NR2F1-AS1: variants seen among roughly 807,000 people sequenced by gnomAD.
The protein encoded by NR2F1-AS1 is NR2F1 antisense RNA 1.
chr5:93,434,413 T>C (rs1377787699), intron 4 of NR2F1-AS1, among the ~76,000 whole-genome samples: 1 of 152,172 alleles, frequency 6.6e-6, no homozygotes, highest in Admixed American at 6.6e-5. Context: ...TTGACCCACA[T>C]TGTTAACATT....
chr5:93,509,385 T>G (rs939558590), intron 4 of NR2F1-AS1, among the ~76,000 whole-genome samples: 11 of 152,120 alleles, frequency 7.2e-5, no homozygotes, highest in Admixed American at 1.3e-4. Flanking sequence ...ACTTATAATG[T>G]GGCTAGTACT....
At chr5:93,492,172 T>G (rs2149880894) in intron 4 of NR2F1-AS1, among the ~76,000 whole-genome samples, 1 of 152,296 alleles carries the variant, frequency 6.6e-6, no homozygotes, top group South Asian at 2.1e-4. Flanking sequence ...TTGGAACTAT[T>G]TACACCAACA....
intron 4 of NR2F1-AS1, among the ~76,000 whole-genome samples, chr5:93,445,339 A>C (rs185770749): frequency 1.3e-5 from 2 of 152,194 alleles, no homozygotes; most frequent in Admixed American, 1.3e-4. Flanking sequence ...AATCAAATAG[A>C]CACAATAAAA....
chr5:93,512,967 A>G (rs1022168421), intron 4 of NR2F1-AS1, among the ~76,000 whole-genome samples: 3 of 152,202 alleles, frequency 2.0e-5, no homozygotes, highest in Non-Finnish European at 4.4e-5. Context: ...ACATGACTGT[A>G]TATCCTGTTG....
At chr5:93,548,294 A>T (rs1327434962) in intron 4 of NR2F1-AS1, among the ~76,000 whole-genome samples, 1 of 152,194 alleles carries the variant, frequency 6.6e-6, no homozygotes, top group Non-Finnish European at 1.5e-5. Flanking sequence ...GTCAAAAAAA[A>T]ATATTTTCTG....
intron 4 of NR2F1-AS1, among the ~76,000 whole-genome samples, chr5:93,461,723 T>C (rs1036849313): frequency 1.3e-5 from 2 of 152,164 alleles, no homozygotes; most frequent in African/African-American, 4.8e-5. Context: ...CAAATAAATA[T>C]TGGATTTTTA....
chr5:93,487,615 C>T (rs1050065293), intron 4 of NR2F1-AS1, among the ~76,000 whole-genome samples: 8 of 152,172 alleles, frequency 5.3e-5, no homozygotes, highest in African/African-American at 7.2e-5. Context: ...AATGGAAAAA[C>T]ATTCCATGCT....
intron 2 of NR2F1-AS1, among the ~76,000 whole-genome samples, chr5:93,557,419 C>T (rs1397529551): frequency 2.6e-5 from 4 of 152,162 alleles, no homozygotes; most frequent in South Asian, 2.1e-4. Flanking sequence ...TTCCAGATCA[C>T]AGCAATAAAG....
intron 4 of NR2F1-AS1, among the ~76,000 whole-genome samples, chr5:93,425,248 T>C (rs187317852): frequency 3.3e-5 from 5 of 152,298 alleles, no homozygotes; most frequent in African/African-American, 1.2e-4. Context: ...TGGTAGTAGA[T>C]GATCTCACTC....
At chr5:93,520,835 G>A (rs1207962826) in intron 4 of NR2F1-AS1, among the ~76,000 whole-genome samples, 7 of 152,098 alleles carry the variant, frequency 4.6e-5, no homozygotes, top group Admixed American at 2.0e-4. Flanking sequence ...CCCAAAGAAA[G>A]CTGTGATTTT....
chr5:93,493,154 C>CA (rs1438910235), intron 4 of NR2F1-AS1, among the ~76,000 whole-genome samples: 2 of 151,984 alleles, frequency 1.3e-5, no homozygotes, highest in Non-Finnish European at 2.9e-5. Flanking sequence ...AATCAATCCA[C>CA]AAAAAACCTA....
chr5:93,483,134 C>T (rs1359059892), intron 4 of NR2F1-AS1, among the ~76,000 whole-genome samples: 1 of 151,820 alleles, frequency 6.6e-6, no homozygotes, highest in Non-Finnish European at 1.5e-5. Context: ...TGGTCCCTGA[C>T]CCCCATGCCT....
chr5:93,444,621 G>A (rs987423555), intron 4 of NR2F1-AS1, among the ~76,000 whole-genome samples: 5 of 152,152 alleles, frequency 3.3e-5, no homozygotes, highest in Admixed American at 3.3e-4. Context: ...ACATCTCACT[G>A]TCAACATTAG....
chr5:93,498,970 T>G (rs115691342), intron 4 of NR2F1-AS1, among the ~76,000 whole-genome samples: 2,200 of 152,164 alleles, frequency 0.014, 63 homozygotes, highest in African/African-American at 0.05. Flanking sequence ...TTCCTCTACA[T>G]AAATTTATTT....
chr5:93,493,412 A>C (rs1750892890), intron 4 of NR2F1-AS1, among the ~76,000 whole-genome samples: 1 of 152,048 alleles, frequency 6.6e-6, no homozygotes, highest in South Asian at 2.1e-4. Context: ...TAAAAGACCT[A>C]AATAAGTGAA....
chr5:93,521,100 C>A (rs557153044), intron 4 of NR2F1-AS1, among the ~76,000 whole-genome samples: 1 of 152,136 alleles, frequency 6.6e-6, no homozygotes, highest in Admixed American at 6.6e-5. Context: ...ACAAAGCTGA[C>A]AAAAACACGC....
chr5:93,493,384 C>T (rs1750891693), intron 4 of NR2F1-AS1, among the ~76,000 whole-genome samples: 1 of 151,878 alleles, frequency 6.6e-6, no homozygotes, highest in Non-Finnish European at 1.5e-5. Context: ...CACAATAAAA[C>T]ATCGCTGAAA....
At chr5:93,448,271 TAAAC>T (rs1215833490) in intron 4 of NR2F1-AS1, among the ~76,000 whole-genome samples, 5 of 152,202 alleles carry the variant, frequency 3.3e-5, no homozygotes, top group African/African-American at 1.2e-4. Context: ...AATCTCATGT[TAAAC>T]AATTAATAAA....
intron 4 of NR2F1-AS1, among the ~76,000 whole-genome samples, chr5:93,520,330 C>A (rs1751476903): frequency 6.6e-6 from 1 of 152,008 alleles, no homozygotes; most frequent in Non-Finnish European, 1.5e-5. Context: ...TTGAAGAACA[C>A]CAAATCCACT....
Sources: allele counts gnomAD v4.1 joint callset (sites outside exome capture counted in the v4.1 genomes callset), GRCh38; gene constraint gnomAD v4.1.1; transcripts MANE v1.5; gene names NCBI Gene and HGNC (gene_info 2026-07-23, HGNC 2026-07-21).